The following VTCN1 variants were observed in gnomAD, a reference collection of about 807,000 sequenced individuals.
VTCN1 encodes V-set domain containing T cell activation inhibitor 1.
Under a neutral mutation model 26.5 loss-of-function variants are expected in VTCN1, and 26 were observed. That is an observed-to-expected ratio of 0.98 (90% CI 0.72 to 1.36). The LOEUF (loss-of-function observed/expected upper bound fraction) is 1.36. VTCN1 is among the 40% of genes most tolerant of loss of function. The pLI is 0.00. For synonymous variants in VTCN1, 116 were observed against 130.7 expected, an observed-to-expected ratio of 0.89 and a Z score of 0.77; for missense variants, 298 against 337.7, an observed-to-expected ratio of 0.88 and a Z score of 0.92.
At chr1:117,166,896 A>G (rs1652643549) in intron 2 of VTCN1, among the ~76,000 whole-genome samples, 1 of 151,580 alleles carries the variant, frequency 6.6e-6, no homozygotes, top group Non-Finnish European at 1.5e-5. Context: ...GTTCGAGACC[A>G]GTCTGGCTAA....
chr1:117,190,878 C>T (rs545326511), intron 1 of VTCN1, among the ~76,000 whole-genome samples: 5 of 152,306 alleles, frequency 3.3e-5, no homozygotes, highest in East Asian at 3.9e-4. Flanking sequence ...ATCAGGCAAA[C>T]GTGACACCAC....
intron 3 of VTCN1, 51 bp downstream of exon 3, chr1:117,156,523 G>A: frequency 6.8e-7 from 1 of 1,477,064 alleles, no homozygotes; most frequent in African/African-American, 1.4e-5. Context: ...ATAATCTTTA[G>A]CCTCAAATAC....
chr1:117,158,059 G>A (rs1180470359), intron 2 of VTCN1, among the ~76,000 whole-genome samples: 1 of 152,206 alleles, frequency 6.6e-6, no homozygotes, highest in East Asian at 1.9e-4. Context: ...GGCTTTGCAG[G>A]GTGCAGCCTC....
In VTCN1 at chr1:117,153,072, A is replaced by G; in HGVS notation, c.724+19T>C. 6.3e-7 allele frequency: 1 copy of G among 1,596,632 alleles called. No individual in the cohort carries two copies. The highest frequency in any genetic ancestry group is 1.3e-5 in the African/African-American group (1 of 74,670). On this transcript the variant is annotated intron_variant, in intron 4 of 5. Transcript: ENST00000369458. ...ACTCTTTCCCCAGTAAATCCATACAAAAGCATGCAGGAACCCACCTGTCAC... is the reference window on the plus strand; with the variant it reads ...ACTCTTTCCCCAGTAAATCCATACAGAAGCATGCAGGAACCCACCTGTCAC...
rs1264739988 is a variant in VTCN1 at position 117,144,166 on chromosome 1, T to G, written c.*1105A>C. Reference sequence around the variant, plus strand: ...GCAGACAGATTTGTTGGCTCCCCTCTTTCCAGGCCCTTTTCTACTCAAAAC... The same window carrying G: ...GCAGACAGATTTGTTGGCTCCCCTCGTTCCAGGCCCTTTTCTACTCAAAAC... On this transcript the variant is annotated 3_prime_UTR_variant, in exon 6 of 6. Transcript: ENST00000369458. 1 of 152,266 alleles carries G rather than the reference T, an allele frequency of 6.6e-6. No individual in the cohort carries two copies. Among genetic ancestry groups the G allele is most frequent in the Admixed American group, 6.5e-5 (1 of 15,284 alleles). The allele number at this position is 152,266 out of a possible 1,614,324, so 9.4% of individuals were successfully genotyped here.
chr1:117,173,440 G>A (rs1338319312), intron 1 of VTCN1, among the ~76,000 whole-genome samples: 1 of 151,904 alleles, frequency 6.6e-6, no homozygotes, highest in African/African-American at 2.4e-5. Context: ...GAACACCAAA[G>A]GTTGCCAGCA....
chr1:117,164,782 G>A (rs1652530093), intron 2 of VTCN1, among the ~76,000 whole-genome samples: 1 of 152,212 alleles, frequency 6.6e-6, no homozygotes, highest in African/African-American at 2.4e-5. Flanking sequence ...GGACTGGGCT[G>A]GGTATGGTTA....
intron 1 of VTCN1, among the ~76,000 whole-genome samples, chr1:117,206,113 C>T (rs1026126913): frequency 4.4e-4 from 66 of 151,316 alleles, no homozygotes; most frequent in African/African-American, 1.5e-3. Flanking sequence ...CTCAGATTCA[C>T]GACAACAAAA....
Position 117,157,092 on chromosome 1 carries a change from G to GATATATATATATATATAT in VTCN1, c.98-189_98-172dup, listed in dbSNP as rs145887761. On this transcript the variant is annotated intron_variant, in intron 2 of 5. Coordinates refer to ENST00000369458, the MANE Select transcript of VTCN1 (RefSeq NM_024626.4). Reference sequence around the variant, plus strand: ...GAAAGAGCAGGAAGACAATCATTTTGATATATATATATATATATATATAGC... The same window carrying GATATATATATATATATAT: ...GAAAGAGCAGGAAGACAATCATTTTGATATATATATATATATATATATATATATATATATATATATAGC... 451 of 561,402 alleles carry GATATATATATATATATAT rather than the reference G, an allele frequency of 8.0e-4. 8 individuals are homozygous for GATATATATATATATATAT. The African/African-American group carries it at 8.1e-3, about 10-fold the overall frequency. The allele number at this position is 561,402 out of a possible 1,614,324, so 34.8% of individuals were successfully genotyped here. A position where few individuals can be genotyped will look rare whatever the true frequency, so the allele number is the denominator to read the frequency against.
intron 1 of VTCN1, chr1:117,173,063 CACTT>C: frequency 1.5e-6 from 1 of 686,764 alleles, no homozygotes; most frequent in South Asian, 1.6e-5. Context: ...TGAGCTGTAA[CACTT>C]ACCGTGAAGG....
chr1:117,188,891 A>C (rs966607261), intron 1 of VTCN1, among the ~76,000 whole-genome samples: 1 of 152,248 alleles, frequency 6.6e-6, no homozygotes, highest in Non-Finnish European at 1.5e-5. Context: ...AAATATAAAC[A>C]CACATTTAGA....
chr1:117,177,891 G>C (rs1365569448), intron 1 of VTCN1, among the ~76,000 whole-genome samples: 1 of 151,712 alleles, frequency 6.6e-6, no homozygotes, highest in Non-Finnish European at 1.5e-5. Context: ...TCACAGGGAA[G>C]AGTGCCACCA....
At chr1:117,170,964 C>T (rs1171181308) in intron 1 of VTCN1, among the ~76,000 whole-genome samples, 1 of 152,140 alleles carries the variant, frequency 6.6e-6, no homozygotes, top group Non-Finnish European at 1.5e-5. Context: ...GGTTTTAAGA[C>T]CTGCATGCAT....
intron 1 of VTCN1, among the ~76,000 whole-genome samples, chr1:117,193,211 G>A (rs546097362): frequency 1.3e-5 from 2 of 151,992 alleles, no homozygotes; most frequent in Non-Finnish European, 2.9e-5. Context: ...AGTGGTTCCT[G>A]GAACCAATTC....
intron 4 of VTCN1, among the ~76,000 whole-genome samples, chr1:117,151,178 G>A (rs911343827): frequency 6.6e-6 from 1 of 151,132 alleles, no homozygotes; most frequent in African/African-American, 2.4e-5. Context: ...GAGCCACCAT[G>A]CCCAACCTGA....
Position 117,155,348 on chromosome 1 carries a change from C to G in VTCN1, c.445+1226G>C, listed in dbSNP as rs947455164. Among the ~76,000 whole-genome samples the G allele has an allele frequency of 6.6e-6, 1 of 152,168 alleles. No homozygotes were observed. Among genetic ancestry groups the G allele is most frequent in the African/African-American group, 2.4e-5 (1 of 41,436 alleles). On this transcript the variant is annotated intron_variant, in intron 3 of 5. Coordinates refer to ENST00000369458, the MANE Select transcript of VTCN1 (RefSeq NM_024626.4). The surrounding 1 kb of genome is among the most constrained non-coding windows in gnomAD (Gnocchi z 4.8). ...TGGACTTCACTAAGTCCAATATACCCTGAGTGGGATAGGGAAGGTTTCAAG... is the reference window on the plus strand; with the variant it reads ...TGGACTTCACTAAGTCCAATATACCGTGAGTGGGATAGGGAAGGTTTCAAG...
chr1:117,148,560 C>T (rs1651634287), intron 4 of VTCN1, among the ~76,000 whole-genome samples: 1 of 152,188 alleles, frequency 6.6e-6, no homozygotes, highest in Non-Finnish European at 1.5e-5. Flanking sequence ...AGTCTACCTC[C>T]TTAGTTTGAA....
chr1:117,173,301 GTGGTTAATTCCTAATCCAATA>G, intron 1 of VTCN1: 3 of 629,840 alleles, frequency 4.8e-6, no homozygotes, highest in Non-Finnish European at 8.8e-6. Context: ...GAGTAGGGTA[GTGGTTAATTCCTAATCCAATA>G]TGGCTGGTGT....
intron 4 of VTCN1, among the ~76,000 whole-genome samples, chr1:117,150,213 G>A (rs1241874911): frequency 6.6e-6 from 1 of 152,210 alleles, no homozygotes; most frequent in Non-Finnish European, 1.5e-5. Flanking sequence ...TGGAGTCAAA[G>A]TCCTTCTTGG....
Sources: allele counts gnomAD v4.1 joint callset (sites outside exome capture counted in the v4.1 genomes callset), GRCh38; gene constraint gnomAD v4.1.1; non-coding constraint Gnocchi (gnomAD v3.1); transcripts MANE v1.5; gene names NCBI Gene and HGNC (gene_info 2026-07-23, HGNC 2026-07-21).